CEP41: variants seen among roughly 807,000 people sequenced by gnomAD.
CEP41 encodes the protein centrosomal protein of 41 kDa.
In CEP41, 32 loss-of-function variants were observed where a neutral mutation model predicts 44.3. That is an observed-to-expected ratio of 0.72 (90% CI 0.54 to 0.97). The LOEUF (loss-of-function observed/expected upper bound fraction) is 0.97. Ranked by LOEUF, CEP41 falls within the 50% of genes least tolerant of loss-of-function variation. CEP41 has a pLI of 0.00. For missense variants in CEP41, 432 were observed against 455.2 expected, an observed-to-expected ratio of 0.95 and a Z score of 0.46; for synonymous variants, 151 against 168.5, an observed-to-expected ratio of 0.90 and a Z score of 0.80.
intron 2 of CEP41, chr7:130,420,757 G>A: frequency 2.3e-6 from 1 of 431,778 alleles, no homozygotes; most frequent in Non-Finnish European, 3.1e-6. Flanking sequence ...GGGCAACAGA[G>A]CGAGACTTCA....
intron 1 of CEP41, among the ~76,000 whole-genome samples, chr7:130,440,164 C>T (rs577682756): frequency 8.7e-4 from 133 of 152,232 alleles, no homozygotes; most frequent in African/African-American, 2.8e-3. Flanking sequence ...GGATTACAGG[C>T]GCCTCACCAC....
At chr7:130,430,221 T>TA (rs1197194089) in intron 1 of CEP41, among the ~76,000 whole-genome samples, 13 of 151,524 alleles carry the variant, frequency 8.6e-5, no homozygotes, top group Admixed American at 7.2e-4. Context: ...GCCAAGGACA[T>TA]AAAAAACAAA....
At position 130,412,175 on chromosome 7, in the gene CEP41, T is replaced by C; in HGVS notation, c.207+4A>G. On this transcript the variant is annotated splice_donor_region_variant and intron_variant, in intron 4 of 10. Coordinates refer to ENST00000223208, the MANE Select transcript of CEP41 (RefSeq NM_018718.3). ...TACTCCAGTGGAAAAATCAAGAAACTTACCAGCTGGGCAAAAGTTGTAACT... is the reference window on the plus strand; with the variant it reads ...TACTCCAGTGGAAAAATCAAGAAACCTACCAGCTGGGCAAAAGTTGTAACT... 3 of 1,520,324 alleles carry C rather than the reference T, an allele frequency of 2.0e-6. No individual in the cohort carries two copies. The highest frequency in any genetic ancestry group is 2.7e-6 in the Non-Finnish European group (3 of 1,094,626). 94.2% of individuals were successfully genotyped at this position (1,520,324 alleles called of 1,614,324 possible).
At chr7:130,434,441 A>G (rs1554425769) in intron 1 of CEP41, among the ~76,000 whole-genome samples, 1 of 152,254 alleles carries the variant, frequency 6.6e-6, no homozygotes, top group African/African-American at 2.4e-5. Flanking sequence ...TGCAAAGCAC[A>G]TATCTGACAA....
chr7:130,397,314 T>C lies in CEP41; in HGVS notation c.*1577A>G, dbSNP rs781790539. Reference sequence around the variant, plus strand: ...TGGGCATGGCTTGACATCTGAACAATGTCCCTGGTTTGTTTGATTTCTAAA... The same window carrying C: ...TGGGCATGGCTTGACATCTGAACAACGTCCCTGGTTTGTTTGATTTCTAAA... On this transcript the variant is annotated 3_prime_UTR_variant, in exon 11 of 11. Transcript: ENST00000223208. 1.5e-4 allele frequency: 68 copies of C among 454,506 alleles called. 1 individual carries two copies. Among genetic ancestry groups the C allele is most frequent in the South Asian group, 1.0e-3 (65 of 64,470 alleles). The allele number at this position is 454,506 out of a possible 1,614,324, so 28.2% of individuals were successfully genotyped here.
intron 9 of CEP41, 102 bp downstream of exon 9, chr7:130,400,605 C>A (rs975849185): frequency 2.4e-6 from 2 of 817,812 alleles, no homozygotes; most frequent in Non-Finnish European, 4.2e-6. Context: ...TTTTCTCTTT[C>A]CAGAACACTG....
At chr7:130,419,921 C>T (rs1423663422) in intron 2 of CEP41, 1 of 985,326 alleles carries the variant, frequency 1.0e-6, no homozygotes, top group Middle Eastern at 5.2e-4. Context: ...CCTTACTAGA[C>T]AGAAAGCCAA....
In CEP41 at chr7:130,397,240, G is replaced by A; in HGVS notation, c.*1651C>T. Reference sequence around the variant, plus strand: ...ATGACAGGCTCCTCATTAAAGCTATGTGTACGTTGGCTGAATTTTATACAA... The same window carrying A: ...ATGACAGGCTCCTCATTAAAGCTATATGTACGTTGGCTGAATTTTATACAA... On this transcript the variant is annotated 3_prime_UTR_variant, in exon 11 of 11. Coordinates refer to ENST00000223208, the MANE Select transcript of CEP41 (RefSeq NM_018718.3). 2.2e-6 allele frequency: 1 copy of A among 454,544 alleles called. No individual in the cohort carries two copies. The allele number at this position is 454,544 out of a possible 1,614,324, so 28.2% of individuals were successfully genotyped here.
At chr7:130,401,803 C>A in intron 8 of CEP41, 78 bp downstream of exon 8, 1 of 955,564 alleles carries the variant, frequency 1.0e-6, no homozygotes, top group South Asian at 1.3e-5. Context: ...AGCATTCTTA[C>A]CAGGAGCGTG....
At chr7:130,418,658 C>G (rs35843592) in intron 2 of CEP41, among the ~76,000 whole-genome samples, 22,957 of 152,100 alleles carry the variant, frequency 0.15, 1,744 homozygotes, top group South Asian at 0.19. Context: ...GGTGGCATGG[C>G]AAGTTAGTAA....
chr7:130,435,020 A>G (rs1473019302), intron 1 of CEP41, among the ~76,000 whole-genome samples: 1 of 152,222 alleles, frequency 6.6e-6, no homozygotes, highest in Non-Finnish European at 1.5e-5. Flanking sequence ...ACACTGAGGT[A>G]TATTTTTCTG....
intron 1 of CEP41, among the ~76,000 whole-genome samples, chr7:130,438,771 A>G (rs139787363): frequency 1.3e-5 from 2 of 151,994 alleles, no homozygotes; most frequent in Non-Finnish European, 2.9e-5. Context: ...CTCCTCACCT[A>G]TCTCTCCCAC....
chr7:130,427,267 A>C (rs1797692045), intron 2 of CEP41, among the ~76,000 whole-genome samples: 1 of 152,198 alleles, frequency 6.6e-6, no homozygotes, highest in Non-Finnish European at 1.5e-5. Context: ...CAGGCTTTAA[A>C]AGGTTGAAAA....
At chr7:130,418,137 G>A (rs1244721160) in intron 2 of CEP41, among the ~76,000 whole-genome samples, 2 of 151,864 alleles carry the variant, frequency 1.3e-5, no homozygotes, top group African/African-American at 4.8e-5. Flanking sequence ...TACACTCTCT[G>A]TATCCAGGAC....
chr7:130,408,411 C>T (rs919295498), intron 5 of CEP41, among the ~76,000 whole-genome samples: 4 of 151,868 alleles, frequency 2.6e-5, no homozygotes, highest in Non-Finnish European at 4.4e-5. Flanking sequence ...AGATGAACAT[C>T]CTATTAGAAA....
At position 130,401,891 on chromosome 7, in the gene CEP41, A is replaced by G. The variant is rs1584869641; in HGVS notation, c.632T>C (p.Ile211Thr). The G allele has an allele frequency of 1.3e-6, 2 of 1,595,210 alleles. No individual in the cohort carries two copies. The highest frequency in any genetic ancestry group is 1.7e-6 in the Non-Finnish European group (2 of 1,162,788). The change falls in exon 8 of 11, where the codon ATT becomes ACT. Residue 211 changes from isoleucine to threonine, a missense_variant. By Grantham distance (89) the Ile-to-Thr change is moderately conservative. Coordinates refer to ENST00000223208, the MANE Select transcript of CEP41 (RefSeq NM_018718.3). ...TGCAACAAAGGATACATATTCAAGA[A>G]TATCATTTGAATAAGGGTTCATTGT... ...SRTMNPYSND[I>T]LEYKNAHGKI... is the part of the protein sequence containing the mutation.
At chr7:130,416,524 T>A (rs936364588) in intron 3 of CEP41, among the ~76,000 whole-genome samples, 1 of 152,196 alleles carries the variant, frequency 6.6e-6, no homozygotes, top group African/African-American at 2.4e-5. Flanking sequence ...CACACAAGAA[T>A]GTTCTGAAGG....
intron 2 of CEP41, among the ~76,000 whole-genome samples, chr7:130,425,386 C>T (rs1797631357): frequency 6.6e-6 from 1 of 152,194 alleles, no homozygotes; most frequent in Non-Finnish European, 1.5e-5. Flanking sequence ...GCACTCCAGC[C>T]TGGGTGACGG....
intron 5 of CEP41, among the ~76,000 whole-genome samples, chr7:130,409,089 A>C (rs1045377553): frequency 3.9e-5 from 6 of 152,232 alleles, no homozygotes; most frequent in African/African-American, 1.2e-4. Flanking sequence ...ACGGTTTCCT[A>C]ACTTACTAGA....
Sources: gnomAD v4.1 joint callset for allele counts (sites outside exome capture counted in the v4.1 genomes callset) on GRCh38, gnomAD v4.1.1 for gene constraint, MANE v1.5 for transcripts, NCBI Gene and HGNC (gene_info 2026-07-23, HGNC 2026-07-21) for gene names.